The following ROR1 variants were observed in gnomAD, a reference collection of about 807,000 sequenced individuals.
ROR1 encodes inactive tyrosine-protein kinase transmembrane receptor ROR1.
ROR1 carries 19 observed loss-of-function variants against 78.8 expected under a neutral mutation model. The observed-to-expected ratio is 0.24, with a 90% CI of 0.17 to 0.35. The LOEUF is 0.35. Ranked by LOEUF, ROR1 falls within the 10% of genes least tolerant of loss-of-function variation. The pLI is 1.00. For missense variants in ROR1, 917 were observed against 1,177.8 expected, an observed-to-expected ratio of 0.78 and a Z score of 3.24; for synonymous variants, 386 against 433.6, an observed-to-expected ratio of 0.89 and a Z score of 1.36.
chr1:64,089,383 G>A (rs564999713), intron 4 of ROR1, among the ~76,000 whole-genome samples: 12 of 151,972 alleles, frequency 7.9e-5, no homozygotes, highest in South Asian at 2.1e-4. Flanking sequence ...CTAATTTTTC[G>A]TATTTTTGGT....
chr1:64,064,323 C>T (rs1014634830), intron 4 of ROR1, among the ~76,000 whole-genome samples: 4 of 152,166 alleles, frequency 2.6e-5, no homozygotes, highest in Admixed American at 2.0e-4. Flanking sequence ...GAAGATGCTT[C>T]CACTGCTGGG....
At chr1:64,039,164 A>C (rs1646726089) in intron 2 of ROR1, among the ~76,000 whole-genome samples, 1 of 152,196 alleles carries the variant, frequency 6.6e-6, no homozygotes, top group Non-Finnish European at 1.5e-5. Flanking sequence ...TAAATTTTGA[A>C]ATACAGATCT....
intron 1 of ROR1, among the ~76,000 whole-genome samples, chr1:63,823,783 C>T (rs1382152210): frequency 6.7e-5 from 10 of 149,182 alleles, no homozygotes; most frequent in South Asian, 2.1e-4. Context: ...TTTTTTGAGA[C>T]GAAGTCTCGA....
intron 4 of ROR1, among the ~76,000 whole-genome samples, chr1:64,079,145 A>T (rs990235806): frequency 2.6e-5 from 4 of 152,202 alleles, no homozygotes; most frequent in Admixed American, 6.5e-5. Flanking sequence ...ACGAGGTCCA[A>T]CAAGTGGTCA....
chr1:64,155,482 C>G (rs1334178641), intron 7 of ROR1, among the ~76,000 whole-genome samples: 2 of 148,602 alleles, frequency 1.3e-5, no homozygotes, highest in Non-Finnish European at 3.0e-5. Context: ...CACTGGGCCC[C>G]TTGTGCTTGT....
intron 1 of ROR1, among the ~76,000 whole-genome samples, chr1:63,781,055 G>A (rs367805714): frequency 4.3e-4 from 65 of 152,296 alleles, no homozygotes; most frequent in African/African-American, 1.4e-3. Flanking sequence ...GAAGCGTGTG[G>A]GAAGCAGGAG....
intron 1 of ROR1, among the ~76,000 whole-genome samples, chr1:63,883,866 G>A (rs1264274934): frequency 6.6e-6 from 1 of 152,154 alleles, no homozygotes; most frequent in African/African-American, 2.4e-5. Context: ...GCAGCCATGT[G>A]GCTAAATGGG....
chr1:63,949,676 A>T (rs1175509202), intron 1 of ROR1, among the ~76,000 whole-genome samples: 2 of 152,048 alleles, frequency 1.3e-5, no homozygotes, highest in Admixed American at 1.3e-4. Context: ...CAAAGGGCTT[A>T]GTAATTTACT....
intron 2 of ROR1, among the ~76,000 whole-genome samples, chr1:64,018,270 C>T (rs1361639561): frequency 6.6e-6 from 1 of 152,164 alleles, no homozygotes; most frequent in African/African-American, 2.4e-5. Flanking sequence ...AGTGCTTTAC[C>T]ATGGGGCTCC....
rs759248512 is a variant in ROR1, at chr1:64,178,879, G to T, written c.*24G>T. The T allele has an allele frequency of 3.8e-6, 6 of 1,559,770 alleles. No individual in the cohort carries two copies. The African/African-American group carries it at 5.4e-5, about 14-fold the overall frequency. On this transcript the variant is annotated 3_prime_UTR_variant, in exon 9 of 9. Coordinates refer to ENST00000371079, the MANE Select transcript of ROR1 (RefSeq NM_005012.4). This position sits in a 1 kb window ranked among gnomAD's most constrained non-coding sequence, Gnocchi z 4.3. The stretch of plus-strand genomic sequence containing the variant: ...AAAATGCACAACTTTTGTAAATGTG[G>T]TATACAGGACAAACTAGACGGCCGT...
At chr1:63,896,023 C>T (rs947244857) in intron 1 of ROR1, among the ~76,000 whole-genome samples, 1 of 152,038 alleles carries the variant, frequency 6.6e-6, no homozygotes, top group Non-Finnish European at 1.5e-5. Flanking sequence ...TATCCAGCCT[C>T]CTCTAAGATG....
At chr1:64,146,597 G>A (rs997064634) in intron 7 of ROR1, among the ~76,000 whole-genome samples, 3 of 152,310 alleles carry the variant, frequency 2.0e-5, no homozygotes, top group African/African-American at 7.2e-5. Context: ...AAGTAGGGAA[G>A]TAATTTGTCC....
rs71056018 is a variant in ROR1 at position 64,051,457 on chromosome 1, A to AAAAATAAAAT, written c.482+776_482+785dup. ...AGAGTGAGACTCCGTCTCAAAAATA[A>AAAAATAAAAT]AAAATAAAATAAAATAAAATAAAAT... is the stretch of plus-strand genomic sequence containing the variant. On this transcript the variant is annotated intron_variant, in intron 4 of 8. Coordinates refer to ENST00000371079, the MANE Select transcript of ROR1 (RefSeq NM_005012.4). 3.3e-3 allele frequency among the ~76,000 whole-genome samples: 252 copies of AAAAATAAAAT among 76,724 alleles called. 3 individuals carry two copies. Among genetic ancestry groups the AAAAATAAAAT allele is most frequent in the African/African-American group, 7.4e-3 (240 of 32,646 alleles). The allele number at this position is 76,724 out of a possible 152,430, so 50.3% of individuals were successfully genotyped here.
chr1:64,007,545 G>GT (rs753884088), intron 1 of ROR1, among the ~76,000 whole-genome samples: 59 of 152,078 alleles, frequency 3.9e-4, no homozygotes, highest in Non-Finnish European at 8.2e-4. Flanking sequence ...TTAACAGCCC[G>GT]TAAGTACTTC....
At chr1:64,018,797 G>A (rs2100554107) in intron 2 of ROR1, among the ~76,000 whole-genome samples, 1 of 152,230 alleles carries the variant, frequency 6.6e-6, no homozygotes, top group Non-Finnish European at 1.5e-5. Context: ...ATGAATGAGT[G>A]GTGAAAATCA....
At chr1:63,831,599 CT>C (rs1032820435) in intron 1 of ROR1, among the ~76,000 whole-genome samples, 1 of 152,318 alleles carries the variant, frequency 6.6e-6, no homozygotes, top group African/African-American at 2.4e-5. Context: ...GGAGGGACCC[CT>C]GGCCCACAAA....
rs571509185 is a variant in ROR1, at chr1:63,830,099, C to T, written c.91+55591C>T. Among the ~76,000 whole-genome samples, 3 of 152,016 alleles carry T rather than the reference C, an allele frequency of 2.0e-5. No individual in the cohort carries two copies. The South Asian group carries it at 6.2e-4, about 32-fold the overall frequency. ...GAAGGGACATGGGTAACGCTAGAGA[C>T]ATATATGTTTGCATTAACTTTTACG... On this transcript the variant is annotated intron_variant, in intron 1 of 8. Transcript: ENST00000371079.
At chr1:63,784,761 T>C (rs1644673769) in intron 1 of ROR1, among the ~76,000 whole-genome samples, 1 of 152,096 alleles carries the variant, frequency 6.6e-6, no homozygotes, top group South Asian at 2.1e-4. Context: ...GGAAGGACCA[T>C]GGGTAGTGTT....
chr1:64,037,466 G>C lies in ROR1; in HGVS notation c.164-12225G>C, dbSNP rs77374293. Among the ~76,000 whole-genome samples, 1,026 of 152,232 alleles carry C rather than the reference G, an allele frequency of 6.7e-3. 29 individuals are homozygous for C. Among genetic ancestry groups the C allele is most frequent in the Admixed American group, 0.048 (736 of 15,296 alleles). ...AATTTGCTAACTATGGACTTTAGTG[G>C]CCTAGGAGTTAGCATGGGCAGGCAA... On this transcript the variant is annotated intron_variant, in intron 2 of 8. Coordinates refer to ENST00000371079, the MANE Select transcript of ROR1 (RefSeq NM_005012.4).
Sources: gnomAD v4.1 joint callset for allele counts (sites outside exome capture counted in the v4.1 genomes callset) on GRCh38, gnomAD v4.1.1 for gene constraint, Gnocchi (gnomAD v3.1) non-coding constraint, MANE v1.5 for transcripts, NCBI Gene and HGNC (gene_info 2026-07-23, HGNC 2026-07-21) for gene names.